The following GOLIM4 variants were observed in gnomAD, a reference collection of about 807,000 sequenced individuals.
GOLIM4 encodes 130 kDa golgi-localized phosphoprotein.
Under a neutral mutation model 107.4 loss-of-function variants are expected in GOLIM4, and 71 were observed. That is an observed-to-expected ratio of 0.66 (90% CI 0.55 to 0.81). The LOEUF (loss-of-function observed/expected upper bound fraction) is 0.81, where lower values mean the gene tolerates loss of function less well. Ranked by LOEUF, GOLIM4 falls within the 30% of genes least tolerant of loss-of-function variation. The probability of loss-of-function intolerance (pLI) is 0.00; values close to 1 mark genes in which losing one functional copy is unlikely to be tolerated. For missense variants in GOLIM4, 830 were observed against 826.1 expected (o/e 1.00, Z -0.06); for synonymous variants, 327 against 294.8 (o/e 1.11, Z -1.12).
In GOLIM4 at chr3:168,010,286, G is replaced by C. The variant is rs746214902; in HGVS notation, c.2074C>G (p.Arg692Gly). Reference protein sequence around the residue: ...DGAAVAEKSHRRAEM With the variant: ...DGAAVAEKSHGRAEM ...GGGTGCCGCTACATTTCAGCTCTTC[G>C]ATGTGATTTCTCAGCAACTGCAGCC... The change falls in exon 16 of 16, where the codon CGA becomes GGA. Residue 692 changes from arginine (R) to glycine (G), a missense_variant. Arg to Gly is a moderately radical substitution (Grantham distance 125). Coordinates refer to ENST00000470487, the MANE Select transcript of GOLIM4 (RefSeq NM_014498.5). 57 of 1,612,450 alleles carry C rather than the reference G, an allele frequency of 3.5e-5. No homozygotes were observed. The highest frequency in any genetic ancestry group is 1.3e-5 in the African/African-American group (1 of 74,806).
intron 8 of GOLIM4, among the ~76,000 whole-genome samples, chr3:168,036,069 A>T (rs1447474068): frequency 6.6e-6 from 1 of 152,214 alleles, no homozygotes; most frequent in Non-Finnish European, 1.5e-5. Context: ...AAGTTAAAAT[A>T]TATTATTAAC....
rs1216867131 is a variant in GOLIM4 at position 168,040,768 on chromosome 3, G to A, written c.684+18C>T. Reference sequence around the variant, plus strand: ...GCAGACTTGTAAAAGAACCCACAGAGGCTGCTACCCTTCTAACCTGTGCAG... The same window carrying A: ...GCAGACTTGTAAAAGAACCCACAGAAGCTGCTACCCTTCTAACCTGTGCAG... On this transcript the variant is annotated intron_variant, in intron 7 of 15. Coordinates refer to ENST00000470487, the MANE Select transcript of GOLIM4 (RefSeq NM_014498.5). 2.6e-6 allele frequency: 4 copies of A among 1,542,184 alleles called. No individual in the cohort carries two copies. The highest frequency in any genetic ancestry group is 2.7e-5 in the African/African-American group (2 of 73,204).
intron 9 of GOLIM4, among the ~76,000 whole-genome samples, chr3:168,031,251 C>T (rs1718322288): frequency 1.3e-5 from 2 of 152,040 alleles, no homozygotes; most frequent in Admixed American, 1.3e-4. Context: ...AGGAATAAGA[C>T]CTAATGTTTG....
At chr3:168,080,152 A>C (rs887065343) in intron 1 of GOLIM4, among the ~76,000 whole-genome samples, 1 of 152,216 alleles carries the variant, frequency 6.6e-6, no homozygotes, top group African/African-American at 2.4e-5. Flanking sequence ...GGAGAAAAAA[A>C]ATATGATTAG....
intron 1 of GOLIM4, among the ~76,000 whole-genome samples, chr3:168,056,423 C>A (rs1314453860): frequency 3.9e-5 from 6 of 152,184 alleles, no homozygotes; most frequent in Non-Finnish European, 8.8e-5. Flanking sequence ...AGCTCCCAAA[C>A]AGAGTCCCTA....
chr3:168,014,905 T>G (rs1260650078), intron 14 of GOLIM4, among the ~76,000 whole-genome samples: 1 of 150,430 alleles, frequency 6.6e-6, no homozygotes, highest in Non-Finnish European at 1.5e-5. Flanking sequence ...TAATAAGAGC[T>G]ATCTATGACA....
rs761411322 is a variant in GOLIM4 at position 168,024,576 on chromosome 3, G to A, written c.1810C>T (p.Gln604Ter). 1 of 1,613,278 alleles carries A rather than the reference G, an allele frequency of 6.2e-7. No homozygotes were observed. The highest frequency in any genetic ancestry group is 1.1e-5 in the South Asian group (1 of 91,056). ...EHLVMAGNPD[Q>*]QEDNVDEQYQ... Reference sequence around the variant, plus strand: ...TGTTCATCAACATTGTCCTCCTGCTGGTCTGGATTTCCTGCCATCTGTTGG... The same window carrying A: ...TGTTCATCAACATTGTCCTCCTGCTAGTCTGGATTTCCTGCCATCTGTTGG... Residue 604 changes from glutamine (Q) to a stop codon, truncating the protein, a stop_gained, in exon 14 of 16, where the codon CAG becomes TAG. Coordinates refer to ENST00000470487, the MANE Select transcript of GOLIM4 (RefSeq NM_014498.5). LOFTEE classifies it high-confidence loss of function.
At chr3:168,043,332 A>C in intron 5 of GOLIM4, 47 bp downstream of exon 5, 3 of 1,317,770 alleles carry the variant, frequency 2.3e-6, no homozygotes, top group Non-Finnish European at 3.2e-6. Flanking sequence ...AAACATTAAT[A>C]TCAGTACTTA....
At chr3:168,036,799 G>C in intron 8 of GOLIM4, 37 bp downstream of exon 8, 1 of 1,509,040 alleles carries the variant, frequency 6.6e-7, no homozygotes, top group Non-Finnish European at 9.0e-7. Context: ...GACAGAGAAA[G>C]TGACCTAACC....
At chr3:168,066,818 A>T (rs540368017) in intron 1 of GOLIM4, among the ~76,000 whole-genome samples, 2 of 152,130 alleles carry the variant, frequency 1.3e-5, no homozygotes, top group Non-Finnish European at 1.5e-5. Context: ...CACAATGCTT[A>T]AAATGCATTA....
chr3:168,069,009 G>C (rs991492021), intron 1 of GOLIM4, among the ~76,000 whole-genome samples: 1 of 151,708 alleles, frequency 6.6e-6, no homozygotes, highest in Non-Finnish European at 1.5e-5. Context: ...ACTAATTTTT[G>C]TATTATTAGT....
chr3:168,091,084 T>C (rs1421996227), intron 1 of GOLIM4, among the ~76,000 whole-genome samples: 1 of 152,198 alleles, frequency 6.6e-6, no homozygotes, highest in Non-Finnish European at 1.5e-5. Context: ...TTGGGTGCAC[T>C]GAAAGCCCAG....
At chr3:168,046,883 CTCTT>C (rs1231101423) in intron 3 of GOLIM4, 63 bp downstream of exon 3, 2 of 824,324 alleles carry the variant, frequency 2.4e-6, no homozygotes, top group Non-Finnish European at 3.7e-6. Context: ...GTATTTCTCT[CTCTT>C]TCAAGTTTTA....
intron 1 of GOLIM4, among the ~76,000 whole-genome samples, chr3:168,089,715 C>T (rs1055044372): frequency 4.6e-5 from 7 of 151,198 alleles, no homozygotes; most frequent in East Asian, 1.9e-4. Flanking sequence ...AGGCACCAGA[C>T]GCTGGAGATG....
chr3:168,024,867 A>G (rs1717909229), intron 13 of GOLIM4, 61 bp downstream of exon 13: 2 of 1,507,384 alleles, frequency 1.3e-6, no homozygotes, highest in South Asian at 1.2e-5. Flanking sequence ...CCTTTTACAT[A>G]AACCAGATGT....
At chr3:168,013,506 C>T (rs573490346) in intron 14 of GOLIM4, among the ~76,000 whole-genome samples, 1 of 142,306 alleles carries the variant, frequency 7.0e-6, no homozygotes, top group African/African-American at 3.1e-5. Context: ...ACAAGGATAC[C>T]CAGGAATTGA....
intron 8 of GOLIM4, among the ~76,000 whole-genome samples, chr3:168,035,616 G>A (rs1405345472): frequency 6.6e-6 from 1 of 152,186 alleles, no homozygotes; most frequent in East Asian, 1.9e-4. Context: ...TAAGCACATA[G>A]AGGGGAACAA....
intron 7 of GOLIM4, among the ~76,000 whole-genome samples, chr3:168,037,634 T>C (rs1718737415): frequency 6.6e-6 from 1 of 152,176 alleles, no homozygotes. Flanking sequence ...TTATCCTTGA[T>C]TGTGAATGAT....
intron 14 of GOLIM4, 30 bp from the exon 15 acceptor site, chr3:168,010,853 A>G (rs371253352): frequency 3.5e-6 from 5 of 1,433,042 alleles, no homozygotes; most frequent in Non-Finnish European, 4.9e-6. Flanking sequence ...TCATTTAAAC[A>G]CTTTTGTCTT....
Sources: allele counts gnomAD v4.1 joint callset (sites outside exome capture counted in the v4.1 genomes callset), GRCh38; gene constraint gnomAD v4.1.1; transcripts MANE v1.5; gene names NCBI Gene and HGNC (gene_info 2026-07-23, HGNC 2026-07-21).